MECR: variants seen among roughly 807,000 people sequenced by gnomAD.
MECR encodes enoyl-[acyl-carrier-protein] reductase, mitochondrial.
Under a neutral mutation model 49.1 loss-of-function variants are expected in MECR, and 37 were observed. The observed-to-expected ratio is 0.75, with a 90% CI of 0.58 to 0.99. The LOEUF (loss-of-function observed/expected upper bound fraction) is 0.99. MECR is among the 50% of genes least tolerant of loss of function. MECR has a pLI of 0.00. For synonymous variants in MECR, 198 were observed against 191.1 expected (o/e 1.04, Z -0.30); for missense variants, 470 against 479.6 (o/e 0.98, Z 0.19).
Position 29,216,697 on chromosome 1 carries a change from GCCA to G in MECR, c.177-15_177-13del. ...CCAGGTTCTTGAGTCTAAGCACAAA[GCCA>G]AACGGAGATGTTCATGTCATCCAGG... On this transcript the variant is annotated splice_polypyrimidine_tract_variant and intron_variant, in intron 1 of 9. Transcript: ENST00000263702. The G allele has an allele frequency of 1.2e-6, 2 of 1,614,156 alleles. No individual in the cohort carries two copies. Among genetic ancestry groups the G allele is most frequent in the Non-Finnish European group, 1.7e-6 (2 of 1,180,028 alleles).
intron 3 of MECR, among the ~76,000 whole-genome samples, chr1:29,213,539 C>A (rs1678566433): frequency 6.6e-6 from 1 of 152,260 alleles, no homozygotes; most frequent in Non-Finnish European, 1.5e-5. Flanking sequence ...GTGGCCCTAC[C>A]CCGCCCCAGG....
rs1373292121 is a variant in MECR at position 29,213,040 on chromosome 1, T to C, written c.406+2965A>G. ...AGACTGAGTTCAAGCATCACTTCTCTGGGAAGCCTTTCTTAACGCTTTCCA... is the reference window on the plus strand; with the variant it reads ...AGACTGAGTTCAAGCATCACTTCTCCGGGAAGCCTTTCTTAACGCTTTCCA... On this transcript the variant is annotated intron_variant, in intron 3 of 9. Transcript: ENST00000263702. Among the ~76,000 whole-genome samples, 3 of 152,236 alleles carry C rather than the reference T, an allele frequency of 2.0e-5. No individual in the cohort carries two copies. The East Asian group carries it at 5.8e-4, about 29-fold the overall frequency.
chr1:29,181,235 G>A, the MECR span, among the ~76,000 whole-genome samples: 1 of 152,216 alleles, frequency 6.6e-6, no homozygotes, highest in African/African-American at 2.4e-5. Context: ...AGGTGAAAGG[G>A]AGCAGGAAAT....
the MECR span, chr1:29,181,787 A>G: frequency 6.5e-7 from 1 of 1,527,168 alleles, no homozygotes; most frequent in South Asian, 1.2e-5. Context: ...CCCCGGCCCC[A>G]GCCCCCCTTA....
chr1:29,168,147 T>C, the MECR span, among the ~76,000 whole-genome samples: 2 of 151,824 alleles, frequency 1.3e-5, no homozygotes, highest in Non-Finnish European at 2.9e-5. Flanking sequence ...TTAGAGTGGC[T>C]GGGACTACAG....
At chr1:29,223,332 G>C (rs1056720244) in intron 1 of MECR, 7 of 975,492 alleles carry the variant, frequency 7.2e-6, no homozygotes, top group African/African-American at 3.5e-5. Context: ...GGGGGGAAAA[G>C]AGGCCAGTAC....
At chr1:29,212,812 G>C (rs932512533) in intron 3 of MECR, among the ~76,000 whole-genome samples, 1 of 152,152 alleles carries the variant, frequency 6.6e-6, no homozygotes, top group African/African-American at 2.4e-5. Flanking sequence ...ATGCAGGACC[G>C]CTGGGACCCA....
At position 29,206,771 on chromosome 1, in the gene MECR, G is replaced by A. The variant is rs768531788; in HGVS notation, c.541C>T (p.Leu181=). The A allele has an allele frequency of 3.1e-5, 50 of 1,613,986 alleles. No individual in the cohort carries two copies. The highest frequency in any genetic ancestry group is 3.7e-5 in the Non-Finnish European group (44 of 1,179,996). ...AYRMLMDFEQ[L]QPGDSVIQNA... Reference sequence around the variant, plus strand: ...ACCTGTGGGTTCCTACCTGGCTGCAGTTGCTCGAAGTCCATCAACATCCTG... The same window carrying A: ...ACCTGTGGGTTCCTACCTGGCTGCAATTGCTCGAAGTCCATCAACATCCTG... The change falls in exon 4 of 10, where the codon CTG becomes TTG. Residue 181 remains leucine (L), a synonymous_variant. Coordinates refer to ENST00000263702, the MANE Select transcript of MECR (RefSeq NM_016011.5).
At chr1:29,178,838 T>C in the MECR span, among the ~76,000 whole-genome samples, 1 of 152,244 alleles carries the variant, frequency 6.6e-6, no homozygotes, top group African/African-American at 2.4e-5. Flanking sequence ...TTGCTTGAAA[T>C]ACATCTTTAC....
At chr1:29,215,398 T>TA (rs1217572415) in intron 3 of MECR, among the ~76,000 whole-genome samples, 2 of 151,880 alleles carry the variant, frequency 1.3e-5, no homozygotes, top group Admixed American at 1.3e-4. Context: ...GTCAACATGA[T>TA]AAAACCCCCT....
the MECR span, chr1:29,181,616 C>T: frequency 6.4e-7 from 1 of 1,559,078 alleles, no homozygotes; most frequent in East Asian, 2.6e-5. Flanking sequence ...TCTGTCCCCG[C>T]CCGGCCGGAC....
At chr1:29,227,267 G>A (rs1682343487) in intron 1 of MECR, among the ~76,000 whole-genome samples, 1 of 151,836 alleles carries the variant, frequency 6.6e-6, no homozygotes, top group Admixed American at 6.6e-5. Flanking sequence ...CTGGCCCCTG[G>A]GTTTCTGGGA....
intron 4 of MECR, among the ~76,000 whole-genome samples, chr1:29,206,553 G>A (rs1004554573): frequency 4.6e-5 from 7 of 152,094 alleles, no homozygotes; most frequent in African/African-American, 1.4e-4. Flanking sequence ...AGCAGTTTTC[G>A]AGAGTGTACT....
chr1:29,206,853 CG>C lies in MECR; in HGVS notation c.458del (p.Pro153ArgfsTer23), dbSNP rs1558449015. On this transcript the variant is annotated frameshift_variant, in exon 4 of 10. Coordinates refer to ENST00000263702, the MANE Select transcript of MECR (RefSeq NM_016011.5). LOFTEE classifies it high-confidence loss of function. ...CAGCGCTCTGAAGAGGGATGTCACT[CG>C]GAACTTGGATCAGTGCTTCCTCGCT... Reference protein sequence around the residue: ...VFSEEALIQVPSDIPLQSAAT... With the variant: ...VFSEEALIQVXSDIPLQSAAT... The C allele has an allele frequency of 1.2e-6, 2 of 1,614,168 alleles. No homozygotes were observed. The highest frequency in any genetic ancestry group is 3.3e-5 in the Admixed American group (2 of 60,020).
the MECR span, among the ~76,000 whole-genome samples, chr1:29,174,571 G>A: frequency 1.3e-5 from 2 of 150,226 alleles, no homozygotes; most frequent in African/African-American, 4.9e-5. Flanking sequence ...CTGTTAGGGT[G>A]AAACAAGCAA....
At chr1:29,178,268 AC>A in the MECR span, among the ~76,000 whole-genome samples, 2 of 152,062 alleles carry the variant, frequency 1.3e-5, no homozygotes, top group South Asian at 2.1e-4. Context: ...ATCTACTGAT[AC>A]ATCTCACTTC....
Position 29,193,816 on chromosome 1 carries a change from CTT to C in MECR, c.*204_*205del. 1.7e-6 allele frequency: 1 copy of C among 599,586 alleles called. No homozygotes were observed. Among genetic ancestry groups the C allele is most frequent in the Middle Eastern group, 4.6e-4 (1 of 2,158 alleles). 37.1% of individuals were successfully genotyped at this position (599,586 alleles called of 1,614,324 possible). A position where few individuals can be genotyped will look rare whatever the true frequency, so the allele number is the denominator to read the frequency against. Reference sequence around the variant, plus strand: ...TCCTTCTCGACAGGGATGACTTCTACTTTTTGGAAGGGAGAGTTCAGACTTTA... The same window carrying C: ...TCCTTCTCGACAGGGATGACTTCTACTTTGGAAGGGAGAGTTCAGACTTTA... On this transcript the variant is annotated 3_prime_UTR_variant, in exon 10 of 10. Coordinates refer to ENST00000263702, the MANE Select transcript of MECR (RefSeq NM_016011.5).
At chr1:29,214,316 C>T (rs1184120954) in intron 3 of MECR, among the ~76,000 whole-genome samples, 4 of 151,048 alleles carry the variant, frequency 2.6e-5, no homozygotes, top group African/African-American at 9.7e-5. Flanking sequence ...CTGCCATGGC[C>T]TCCCGAAGTT....
At chr1:29,170,300 T>C in the MECR span, 1 of 152,218 alleles carries the variant, frequency 6.6e-6, no homozygotes. Context: ...AATAAAACTC[T>C]TGGGATTTAA....
Sources: gnomAD v4.1 joint callset for allele counts (sites outside exome capture counted in the v4.1 genomes callset) on GRCh38, gnomAD v4.1.1 for gene constraint, MANE v1.5 for transcripts, NCBI Gene and HGNC (gene_info 2026-07-23, HGNC 2026-07-21) for gene names.